LRMDA: variants seen among roughly 807,000 people sequenced by gnomAD.
The protein encoded by LRMDA is leucine-rich melanocyte differentiation-associated protein.
LRMDA carries 18 observed loss-of-function variants against 29.8 expected under a neutral mutation model. The ratio of observed to expected loss-of-function variants is 0.60; its 90% CI spans 0.42 to 0.90. LRMDA has a LOEUF of 0.90. Among genes scored for constraint, LRMDA ranks in the 40% least tolerant of loss-of-function variants. The pLI is 0.00. For missense variants in LRMDA, 273 were observed against 273.9 expected (o/e 1.00, Z 0.02); for synonymous variants, 125 against 109.4 (o/e 1.14, Z -0.89).
chr10:75,526,226 CA>C (rs1380374052), intron 2 of LRMDA, among the ~76,000 whole-genome samples: 1 of 151,852 alleles, frequency 6.6e-6, no homozygotes, highest in Non-Finnish European at 1.5e-5. Context: ...CCACCACACC[CA>C]GCTAATTTTT....
intron 5 of LRMDA, among the ~76,000 whole-genome samples, chr10:76,154,942 T>C (rs1850511149): frequency 6.6e-6 from 1 of 152,188 alleles, no homozygotes; most frequent in African/African-American, 2.4e-5. Context: ...AGCATGCTCA[T>C]TCTTCTTAAG....
At chr10:76,111,037 T>G (rs981267994) in intron 5 of LRMDA, among the ~76,000 whole-genome samples, 34 of 152,130 alleles carry the variant, frequency 2.2e-4, no homozygotes, top group African/African-American at 8.2e-4. Flanking sequence ...CATTTTGTTT[T>G]TTTTTCTCTG....
intron 2 of LRMDA, among the ~76,000 whole-genome samples, chr10:75,705,067 A>G (rs1043267796): frequency 8.5e-5 from 13 of 152,188 alleles, no homozygotes; most frequent in African/African-American, 3.1e-4. Flanking sequence ...TGATTGGCTT[A>G]TGAATTTGTT....
chr10:75,630,976 C>T (rs533809645), intron 2 of LRMDA, among the ~76,000 whole-genome samples: 74 of 152,294 alleles, frequency 4.9e-4, no homozygotes, highest in Non-Finnish European at 9.1e-4. Flanking sequence ...CTTCCCTCCT[C>T]GTCCCTCATG....
At chr10:75,843,620 A>G (rs1564583724) in intron 2 of LRMDA, among the ~76,000 whole-genome samples, 1 of 152,208 alleles carries the variant, frequency 6.6e-6, no homozygotes, top group Non-Finnish European at 1.5e-5. Flanking sequence ...GCACTTTGAA[A>G]AGTATAAATC....
chr10:76,052,083 G>C (rs539736325), intron 4 of LRMDA, among the ~76,000 whole-genome samples: 1 of 152,328 alleles, frequency 6.6e-6, no homozygotes, highest in African/African-American at 2.4e-5. Flanking sequence ...ATCCCATCAA[G>C]CTTTGTGAAA....
chr10:75,696,350 A>G (rs1842234509), intron 2 of LRMDA, among the ~76,000 whole-genome samples: 1 of 152,234 alleles, frequency 6.6e-6, no homozygotes, highest in South Asian at 2.1e-4. Flanking sequence ...ACTGAGCCAA[A>G]GGGAAAGAAA....
At chr10:75,941,754 G>A (rs1846396638) in intron 2 of LRMDA, among the ~76,000 whole-genome samples, 1 of 152,136 alleles carries the variant, frequency 6.6e-6, no homozygotes, top group South Asian at 2.1e-4. Flanking sequence ...AAAGATTGGG[G>A]ACTGATGACA....
At chr10:76,010,488 A>C (rs867976165) in intron 2 of LRMDA, among the ~76,000 whole-genome samples, 11 of 151,718 alleles carry the variant, frequency 7.3e-5, no homozygotes, top group South Asian at 4.2e-4. Flanking sequence ...AATTTTTTGT[A>C]TTTTTAGTAG....
chr10:75,691,133 TATAGATCTATATATCTATATAC>T (rs1842146856), intron 2 of LRMDA, among the ~76,000 whole-genome samples: 2 of 102,070 alleles, frequency 2.0e-5, no homozygotes, highest in African/African-American at 1.4e-4. Context: ...TACATAGATA[TATAGATCTATATATCTATATAC>T]ATAGATATAT....
intron 2 of LRMDA, among the ~76,000 whole-genome samples, chr10:75,588,592 C>T (rs956523317): frequency 6.6e-6 from 1 of 152,102 alleles, no homozygotes; most frequent in Non-Finnish European, 1.5e-5. Context: ...AATATCCTAG[C>T]ACTCTGTGAG....
chr10:75,519,752 A>G (rs1374569699), intron 2 of LRMDA, among the ~76,000 whole-genome samples: 1 of 152,148 alleles, frequency 6.6e-6, no homozygotes, highest in Non-Finnish European at 1.5e-5. Flanking sequence ...TTGCCCGTTA[A>G]TTGATGCAAT....
intron 2 of LRMDA, among the ~76,000 whole-genome samples, chr10:75,637,185 G>GTAAGTCATT (rs1841399730): frequency 6.6e-6 from 1 of 152,132 alleles, no homozygotes; most frequent in African/African-American, 2.4e-5. Flanking sequence ...TTTTGGTGTT[G>GTAAGTCATT]GGTCATGACT....
rs572595230 is a variant in LRMDA, at chr10:75,836,790, C to G, written c.132-199218C>G. 4.6e-5 allele frequency among the ~76,000 whole-genome samples: 7 copies of G among 152,232 alleles called. No individual in the cohort carries two copies. In the East Asian group the frequency reaches 9.7e-4, roughly 21 times the overall value. On this transcript the variant is annotated intron_variant, in intron 2 of 6. Transcript: ENST00000611255. ...CTTATTTCCTCTCTCTCCGAATGAT[C>G]TTTTCTTTTTCTTAAACTCCTGTTG...
intron 2 of LRMDA, among the ~76,000 whole-genome samples, chr10:75,663,532 T>A (rs1406550188): frequency 6.6e-6 from 1 of 152,142 alleles, no homozygotes; most frequent in Non-Finnish European, 1.5e-5. Flanking sequence ...CTTCTGCAGA[T>A]CTCCAGAACT....
At chr10:76,540,995 A>G (rs1305385751) in intron 6 of LRMDA, among the ~76,000 whole-genome samples, 9 of 152,214 alleles carry the variant, frequency 5.9e-5, no homozygotes, top group Admixed American at 2.6e-4. Context: ...GTCATATAGT[A>G]TCCAGTCCTA....
intron 1 of LRMDA, among the ~76,000 whole-genome samples, chr10:75,433,878 G>A (rs1015375697): frequency 6.6e-6 from 1 of 152,164 alleles, no homozygotes; most frequent in Non-Finnish European, 1.5e-5. Flanking sequence ...TTAATGAGAT[G>A]AATGCTGCGT....
chr10:75,641,491 A>G (rs994350585), intron 2 of LRMDA, among the ~76,000 whole-genome samples: 1 of 151,606 alleles, frequency 6.6e-6, no homozygotes, highest in African/African-American at 2.4e-5. Flanking sequence ...ATAATGGTTA[A>G]ATGTGATTTA....
chr10:75,750,541 G>A (rs905575043), intron 2 of LRMDA, among the ~76,000 whole-genome samples: 10 of 139,624 alleles, frequency 7.2e-5, no homozygotes, highest in South Asian at 2.3e-4. Flanking sequence ...GGGCAGAGGC[G>A]CTCCCCACAT....
Sources: gnomAD v4.1 joint callset for allele counts (sites outside exome capture counted in the v4.1 genomes callset) on GRCh38, gnomAD v4.1.1 for gene constraint, MANE v1.5 for transcripts, NCBI Gene and HGNC (gene_info 2026-07-23, HGNC 2026-07-21) for gene names.